The following AIG1 variants were observed in gnomAD, a reference collection of about 807,000 sequenced individuals.
AIG1 encodes androgen-induced gene 1 protein.
AIG1 carries 23 observed loss-of-function variants against 31.4 expected under a neutral mutation model. The ratio of observed to expected loss-of-function variants is 0.73; its 90% CI spans 0.53 to 1.04. The LOEUF (loss-of-function observed/expected upper bound fraction) is 1.04, where lower values mean the gene tolerates loss of function less well. Ranked by LOEUF, AIG1 falls within the 50% of genes least tolerant of loss-of-function variation. The pLI is 0.00. For synonymous variants in AIG1, 100 were observed against 110.5 expected (o/e 0.90, Z 0.60); for missense variants, 274 against 295.0 (o/e 0.93, Z 0.52).
intron 3 of AIG1, among the ~76,000 whole-genome samples, chr6:143,263,271 A>G (rs1273698108): frequency 9.1e-6 from 1 of 109,724 alleles, no homozygotes; most frequent in African/African-American, 3.8e-5. Flanking sequence ...CTAGTCCTTT[A>G]TTTGTTTTTT....
At chr6:143,069,198 G>A (rs891672607) in intron 1 of AIG1, among the ~76,000 whole-genome samples, 1 of 151,994 alleles carries the variant, frequency 6.6e-6, no homozygotes, top group African/African-American at 2.4e-5. Context: ...TGTATTTTTA[G>A]TAGAGACGGG....
chr6:143,090,433 G>T (rs1779200166), intron 1 of AIG1, among the ~76,000 whole-genome samples: 1 of 152,066 alleles, frequency 6.6e-6, no homozygotes, highest in Non-Finnish European at 1.5e-5. Context: ...CTGTTTTCAG[G>T]ATGTGAGAAC....
intron 2 of AIG1, among the ~76,000 whole-genome samples, chr6:143,140,618 G>GTACCA (rs534495124): frequency 6.2e-4 from 94 of 152,250 alleles, no homozygotes; most frequent in African/African-American, 2.1e-3. Context: ...TACTTTTTCT[G>GTACCA]TGCCTCCTGG....
At chr6:143,243,386 TAGA>T (rs1165857546) in intron 3 of AIG1, among the ~76,000 whole-genome samples, 1 of 152,190 alleles carries the variant, frequency 6.6e-6, no homozygotes, top group Non-Finnish European at 1.5e-5. Context: ...ATAACACTAA[TAGA>T]AGTTTCAAAA....
intron 3 of AIG1, among the ~76,000 whole-genome samples, chr6:143,248,411 GTAAT>G (rs1794765965): frequency 6.6e-6 from 1 of 152,300 alleles, no homozygotes; most frequent in African/African-American, 2.4e-5. Flanking sequence ...AATATAGGGT[GTAAT>G]TAGAGACACC....
intron 3 of AIG1, among the ~76,000 whole-genome samples, chr6:143,174,058 T>G (rs1787901697): frequency 6.6e-6 from 1 of 152,230 alleles, no homozygotes; most frequent in Admixed American, 6.5e-5. Flanking sequence ...TTTTATAAAT[T>G]TGGGAACTCC....
chr6:143,143,528 A>AAAAAAAATATATATATATATAT (rs1554249782), intron 2 of AIG1, among the ~76,000 whole-genome samples: 1 of 27,792 alleles, frequency 3.6e-5, no homozygotes. Context: ...AAAAAAAAAA[A>AAAAAAAATATATATATATATAT]ATATATATAT....
Position 143,242,533 on chromosome 6 carries a change from C to G in AIG1, c.400-41577C>G, listed in dbSNP as rs115099429. 9.1e-3 allele frequency among the ~76,000 whole-genome samples: 1,387 copies of G among 152,298 alleles called. 16 individuals carry two copies. The highest frequency in any genetic ancestry group is 0.03 in the African/African-American group (1,250 of 41,558). On this transcript the variant is annotated intron_variant, in intron 3 of 5. Transcript: ENST00000357847. ...AAATCACATGACCATAATCTCACAG[C>G]TAGTTATTGGCAGAGCCAGTATCGA...
intron 3 of AIG1, among the ~76,000 whole-genome samples, chr6:143,215,565 G>A (rs1791965209): frequency 1.3e-5 from 2 of 152,194 alleles, no homozygotes; most frequent in African/African-American, 2.4e-5. Context: ...GACTCATCAA[G>A]GAGGAGCCCT....
intron 1 of AIG1, among the ~76,000 whole-genome samples, chr6:143,062,255 A>T (rs1413155471): frequency 6.6e-6 from 1 of 152,260 alleles, no homozygotes; most frequent in African/African-American, 2.4e-5. Flanking sequence ...GTTGCCCAGC[A>T]GTCTCCAAAC....
intron 3 of AIG1, among the ~76,000 whole-genome samples, chr6:143,181,662 A>G (rs756018844): frequency 6.6e-6 from 1 of 152,208 alleles, no homozygotes; most frequent in Non-Finnish European, 1.5e-5. Flanking sequence ...GAAAAAATGT[A>G]TTATTTTTAA....
In AIG1 at chr6:143,268,677, G is replaced by C. The variant is rs9496551; in HGVS notation, c.400-15433G>C. ...CCTGCAGCGCAATTTTGGATTGTCA[G>C]AATCTGTTAACTGTAGGTATGCCAT... On this transcript the variant is annotated intron_variant, in intron 3 of 5. Transcript: ENST00000357847. This position sits in a 1 kb window ranked among gnomAD's most constrained non-coding sequence, Gnocchi z 5.0. Among the ~76,000 whole-genome samples the C allele has an allele frequency of 0.13, 20,256 of 152,230 alleles. 3,869 individuals are homozygous for C. Among genetic ancestry groups the C allele is most frequent in the African/African-American group, 0.43 (17,665 of 41,490 alleles).
chr6:143,084,927 T>A (rs753228671), intron 1 of AIG1, among the ~76,000 whole-genome samples: 7 of 152,220 alleles, frequency 4.6e-5, no homozygotes, highest in Non-Finnish European at 8.8e-5. Context: ...TTCTCTGTTG[T>A]CATCCTATCA....
chr6:143,224,968 G>A (rs932863282), intron 3 of AIG1, among the ~76,000 whole-genome samples: 2 of 152,046 alleles, frequency 1.3e-5, no homozygotes, highest in African/African-American at 4.8e-5. Context: ...CCCATTGCCC[G>A]CTTAATAAAG....
rs115534152 is a variant in AIG1 at position 143,095,547 on chromosome 6, A to T, written c.141+34481A>T. 5.6e-3 allele frequency among the ~76,000 whole-genome samples: 846 copies of T among 152,292 alleles called. 10 individuals are homozygous for T. The highest frequency in any genetic ancestry group is 0.017 in the African/African-American group (705 of 41,562). On this transcript the variant is annotated intron_variant, in intron 1 of 5. Coordinates refer to ENST00000357847, the MANE Select transcript of AIG1 (RefSeq NM_016108.4). ...AAAATTACAGTTTTTTGAATCATCT[A>T]AATTTATTATGTATTATTTAGACTC...
At chr6:143,269,892 G>A (rs1212245069) in intron 3 of AIG1, among the ~76,000 whole-genome samples, 1 of 152,164 alleles carries the variant, frequency 6.6e-6, no homozygotes, top group East Asian at 1.9e-4. Flanking sequence ...CCAATTGCTG[G>A]TTACTGGAGT....
chr6:143,335,550 A>T (rs1227924169), intron 5 of AIG1: 2 of 144,004 alleles, frequency 1.4e-5, no homozygotes, highest in Non-Finnish European at 3.0e-5. Context: ...AAAAAAAAAA[A>T]TAGGAGATTT....
In AIG1 at chr6:143,129,158, G is replaced by A. The variant is rs149724870; in HGVS notation, c.142-7677G>A. The stretch of plus-strand genomic sequence containing the variant: ...TACAAAAAATTAGGCGGGTGTGGGG[G>A]CAGGCACCTGTAGTCCCAGCTATTT... On this transcript the variant is annotated intron_variant, in intron 1 of 5. Transcript: ENST00000357847. 5.5e-3 allele frequency among the ~76,000 whole-genome samples: 833 copies of A among 152,208 alleles called. 14 individuals are homozygous for A. Among genetic ancestry groups the A allele is most frequent in the African/African-American group, 0.019 (785 of 41,544 alleles).
intron 1 of AIG1, among the ~76,000 whole-genome samples, chr6:143,103,501 CTTTT>C (rs1173435325): frequency 1.2e-5 from 1 of 84,210 alleles, no homozygotes; most frequent in Admixed American, 1.4e-4. Flanking sequence ...CAGAAGTTTT[CTTTT>C]TTTTTTTTTT....
Sources: gnomAD v4.1 joint callset for allele counts (sites outside exome capture counted in the v4.1 genomes callset) on GRCh38, gnomAD v4.1.1 for gene constraint, Gnocchi (gnomAD v3.1) non-coding constraint, MANE v1.5 for transcripts, NCBI Gene and HGNC (gene_info 2026-07-23, HGNC 2026-07-21) for gene names.